The following CBR1 variants were observed in gnomAD, a reference collection of about 807,000 sequenced individuals.
CBR1 encodes carbonyl reductase [NADPH] 1.
In CBR1, 11 loss-of-function variants were observed where a neutral mutation model predicts 10.6. The ratio of observed to expected loss-of-function variants is 1.03; its 90% CI spans 0.65 to 1.71. The LOEUF (loss-of-function observed/expected upper bound fraction) is 1.71. Ranked by LOEUF, CBR1 falls within the 40% of genes most tolerant of loss-of-function variation. The pLI is 0.00. For synonymous variants in CBR1, 158 were observed against 156.7 expected (o/e 1.01, Z -0.06); for missense variants, 361 against 368.6 (o/e 0.98, Z 0.17).
At position 36,072,430 on chromosome 21, in the gene CBR1, T is replaced by C. The variant is rs373092056; in HGVS notation, c.398-16T>C. ...GTTGCACACCTTTCTACATAATGCTTTGTGGTGTATCTTAGGGAGAGTGGT... is the reference window on the plus strand; with the variant it reads ...GTTGCACACCTTTCTACATAATGCTCTGTGGTGTATCTTAGGGAGAGTGGT... On this transcript the variant is annotated splice_polypyrimidine_tract_variant and intron_variant, in intron 2 of 2. Transcript: ENST00000290349. 7 of 1,613,994 alleles carry C rather than the reference T, an allele frequency of 4.3e-6. No homozygotes were observed. The highest frequency in any genetic ancestry group is 5.9e-6 in the Non-Finnish European group (7 of 1,179,908).
At chr21:36,072,230 T>C (rs1460253714) in intron 2 of CBR1, 18 of 1,550,632 alleles carry the variant, frequency 1.2e-5, no homozygotes, top group African/African-American at 2.7e-5. Context: ...CTCTTCCAAA[T>C]CTCACCTGAC....
chr21:36,071,118 T>A, intron 2 of CBR1, 61 bp downstream of exon 2: 1 of 1,122,562 alleles, frequency 8.9e-7, no homozygotes, highest in Non-Finnish European at 1.4e-6. Flanking sequence ...CCTGCTTGCC[T>A]GGGATTTCTC....
In CBR1 at chr21:36,072,486, C is replaced by T. The variant is rs2065359343; in HGVS notation, c.438C>T (p.Ala146=). 1 of 1,613,528 alleles carries T rather than the reference C, an allele frequency of 6.2e-7. No homozygotes were observed. Among genetic ancestry groups the T allele is most frequent in the African/African-American group, 1.3e-5 (1 of 74,870 alleles). Residue 146 remains alanine (A), a synonymous_variant, in exon 3 of 3, where the codon GCC becomes GCT. Coordinates refer to ENST00000290349, the MANE Select transcript of CBR1 (RefSeq NM_001757.4). ...TATCTAGCATCATGAGCGTCAGAGC[C>T]CTTAAAAGCTGCAGCCCAGAGCTGC... is the stretch of plus-strand genomic sequence containing the variant. ...VNVSSIMSVR[A]LKSCSPELQQ...
chr21:36,070,853 G>GTTTTTT, intron 1 of CBR1, 97 bp from the exon 2 acceptor site: 1 of 509,228 alleles, frequency 2.0e-6, no homozygotes, highest in Admixed American at 4.4e-5. Context: ...AGGGCACTAA[G>GTTTTTT]TTTTTTTTTT....
chr21:36,071,006 T>C lies in CBR1; in HGVS notation c.346T>C (p.Phe116Leu), dbSNP rs763917846. The C allele has an allele frequency of 6.2e-7, 1 of 1,614,042 alleles. No individual in the cohort carries two copies. Among genetic ancestry groups the C allele is most frequent in the South Asian group, 1.1e-5 (1 of 91,078 alleles). Residue 116 changes from phenylalanine (F) to leucine (L), a missense_variant, in exon 2 of 3, where the codon TTT becomes CTT. By Grantham distance (22) the Phe-to-Leu change is conservative. Coordinates refer to ENST00000290349, the MANE Select transcript of CBR1 (RefSeq NM_001757.4). Reference protein sequence around the residue: ...QAEVTMKTNFFGTRDVCTELL... With the variant: ...QAEVTMKTNFLGTRDVCTELL... ...TGAAGTGACGATGAAAACAAATTTCTTTGGTACCCGAGATGTGTGCACAGA... is the reference window on the plus strand; with the variant it reads ...TGAAGTGACGATGAAAACAAATTTCCTTGGTACCCGAGATGTGTGCACAGA...
rs1473712205 is a variant in CBR1, at chr21:36,072,623, G to A, written c.575G>A (p.Ser192Asn). ...GVHQKEGWPSSAYGVTKIGVT... is the reference protein window; with the variant it reads ...GVHQKEGWPSNAYGVTKIGVT... ...CACCAGAAGGAGGGCTGGCCCAGCA[G>A]CGCATACGGGGTGACGAAGATTGGC... Residue 192 changes from serine to asparagine, a missense_variant, in exon 3 of 3, where the codon AGC becomes AAC. Transcript: ENST00000290349. The A allele has an allele frequency of 1.9e-6, 3 of 1,608,764 alleles. No individual in the cohort carries two copies. In the South Asian group the frequency reaches 3.3e-5, roughly 18 times the overall value.
At chr21:36,070,867 T>TG (rs2065346984) in intron 1 of CBR1, 83 bp from the exon 2 acceptor site, 2 of 778,136 alleles carry the variant, frequency 2.6e-6, no homozygotes, top group Admixed American at 3.0e-5. Flanking sequence ...TTTTTTTTTT[T>TG]TTTTTTTTTT....
intron 2 of CBR1, chr21:36,071,861 A>G (rs964502071): frequency 6.5e-6 from 10 of 1,536,042 alleles, no homozygotes; most frequent in South Asian, 2.4e-5. Context: ...AAAATCCTTC[A>G]GGAGGAAAGT....
chr21:36,071,703 T>C (rs889553365), intron 2 of CBR1: 11 of 694,844 alleles, frequency 1.6e-5, no homozygotes, highest in Non-Finnish European at 2.5e-5. Flanking sequence ...GAGTTCCTCC[T>C]GAATCCGTCT....
At chr21:36,071,321 G>A (rs929451642) in intron 2 of CBR1, 18 of 639,260 alleles carry the variant, frequency 2.8e-5, no homozygotes, top group East Asian at 1.6e-4. Context: ...TAGCTCAAAC[G>A]TCTCCTGAGA....
rs530322864 is a variant in CBR1 at position 36,071,184 on chromosome 21, C to T, written c.397+127C>T. Reference sequence around the variant, plus strand: ...ACGTGCACTGACCTCTGTGCTTTTTCTCCTGCCAGCTGATATGTGCCATTT... The same window carrying T: ...ACGTGCACTGACCTCTGTGCTTTTTTTCCTGCCAGCTGATATGTGCCATTT... On this transcript the variant is annotated intron_variant, in intron 2 of 2. Transcript: ENST00000290349. The T allele has an allele frequency of 2.1e-4, 153 of 738,516 alleles. 2 individuals carry two copies. In the East Asian group the frequency reaches 3.8e-3, roughly 18 times the overall value. The allele number at this position is 738,516 out of a possible 1,614,324, so 45.7% of individuals were successfully genotyped here. A position where few individuals can be genotyped will look rare whatever the true frequency, so the allele number is the denominator to read the frequency against.
At chr21:36,072,105 G>A in intron 2 of CBR1, 1 of 1,501,828 alleles carries the variant, frequency 6.7e-7, no homozygotes, top group Non-Finnish European at 8.9e-7. Context: ...GTGGCTTCGA[G>A]TTGGGTACTT....
intron 2 of CBR1, chr21:36,071,985 C>G: frequency 5.2e-6 from 8 of 1,534,752 alleles, no homozygotes; most frequent in Non-Finnish European, 6.1e-6. Context: ...TATCACATGT[C>G]TTTGGTTGTA....
chr21:36,070,499 G>A, intron 1 of CBR1, 95 bp downstream of exon 1: 2 of 1,227,042 alleles, frequency 1.6e-6, no homozygotes, highest in Non-Finnish European at 2.2e-6. Context: ...GGGAGGAGAG[G>A]GAGGAGCTAG....
chr21:36,070,100 C>T lies in CBR1; in HGVS notation c.-16C>T, dbSNP rs373500404. ...GTCTGTTCTCCACGCAGGTGTTCCGCGCGCCCCGTTCAGCCATGTCGTCCG... is the reference window on the plus strand; with the variant it reads ...GTCTGTTCTCCACGCAGGTGTTCCGTGCGCCCCGTTCAGCCATGTCGTCCG... On this transcript the variant is annotated 5_prime_UTR_variant, in exon 1 of 3. Transcript: ENST00000290349. The T allele has an allele frequency of 2.7e-6, 4 of 1,484,554 alleles. No homozygotes were observed. Among genetic ancestry groups the T allele is most frequent in the Admixed American group, 4.9e-5 (2 of 41,008 alleles). 92.0% of individuals were successfully genotyped at this position (1,484,554 alleles called of 1,614,324 possible). A position where few individuals can be genotyped will look rare whatever the true frequency, so the allele number is the denominator to read the frequency against.
intron 1 of CBR1, 57 bp downstream of exon 1, chr21:36,070,461 C>G: frequency 6.6e-7 from 1 of 1,507,418 alleles, no homozygotes; most frequent in South Asian, 1.3e-5. Flanking sequence ...GGGCTCCTGG[C>G]GTCTGCGGGG....
chr21:36,070,643 C>G (rs566117000), intron 1 of CBR1, among the ~76,000 whole-genome samples: 1 of 152,216 alleles, frequency 6.6e-6, no homozygotes, highest in South Asian at 2.1e-4. Flanking sequence ...AGCTTTAAGG[C>G]AACTGGATGG....
chr21:36,071,106 C>A, intron 2 of CBR1, 49 bp downstream of exon 2: 2 of 1,244,830 alleles, frequency 1.6e-6, no homozygotes, highest in Non-Finnish European at 2.4e-6. Flanking sequence ...CTTGATTTGG[C>A]CCCTGCTTGC....
At position 36,072,743 on chromosome 21, in the gene CBR1, G is replaced by A. The variant is rs573227330; in HGVS notation, c.695G>A (p.Arg232Lys). ...LLNACCPGWV[R>K]TDMAGPKATK... ...AATGCCTGCTGCCCAGGGTGGGTGA[G>A]AACTGACATGGCGGGACCCAAGGCC... Residue 232 changes from arginine to lysine, a missense_variant, in exon 3 of 3, where the codon AGA becomes AAA. Arg to Lys is a conservative substitution (Grantham distance 26). Transcript: ENST00000290349. 6.2e-7 allele frequency: 1 copy of A among 1,614,054 alleles called. No individual in the cohort carries two copies. The highest frequency in any genetic ancestry group is 8.5e-7 in the Non-Finnish European group (1 of 1,180,042).
Sources: allele counts gnomAD v4.1 joint callset (sites outside exome capture counted in the v4.1 genomes callset), GRCh38; gene constraint gnomAD v4.1.1; transcripts MANE v1.5; gene names NCBI Gene and HGNC (gene_info 2026-07-23, HGNC 2026-07-21).